Variants in MRPL43 observed in about 807,000 individuals in gnomAD.
MRPL43 encodes the protein mitochondrial ribosomal protein L43.
In MRPL43, 9 loss-of-function variants were observed where a neutral mutation model predicts 12.7. The observed-to-expected ratio is 0.71, with a 90% CI of 0.43 to 1.24. The LOEUF (loss-of-function observed/expected upper bound fraction) is 1.24. MRPL43 is among the 50% of genes most tolerant of loss of function. The probability of loss-of-function intolerance (pLI) is 0.00; values close to 1 mark genes in which losing one functional copy is unlikely to be tolerated. For synonymous variants in MRPL43, 116 were observed against 96.4 expected (o/e 1.20, Z -1.19); for missense variants, 211 against 229.2 (o/e 0.92, Z 0.51).
chr10:100,979,228 A>G (rs767392247), downstream of MRPL43: 1 of 1,614,198 alleles, frequency 6.2e-7, no homozygotes, highest in Non-Finnish European at 8.5e-7. Context: ...TGAAACCTCA[A>G]GCCGTACACA....
Position 100,986,371 on chromosome 10 carries a change from T to A in MRPL43, c.*363A>T. The A allele has an allele frequency of 6.9e-7, 1 of 1,457,878 alleles. No individual in the cohort carries two copies. The highest frequency in any genetic ancestry group is 1.5e-5 in the South Asian group (1 of 67,494). The allele number at this position is 1,457,878 out of a possible 1,614,324, so 90.3% of individuals were successfully genotyped here. ...CACAGCAGAGCTCTCCGTAGCTCAGTGGTTGTTCCAATAAGACATCAGGGA... is the reference window on the plus strand; with the variant it reads ...CACAGCAGAGCTCTCCGTAGCTCAGAGGTTGTTCCAATAAGACATCAGGGA... On this transcript the variant is annotated 3_prime_UTR_variant, in exon 3 of 3. Transcript: ENST00000318364.
chr10:100,984,634 C>T (rs1323427412), downstream of MRPL43: 7 of 1,536,154 alleles, frequency 4.6e-6, no homozygotes, highest in Non-Finnish European at 5.2e-6. Context: ...GAATGTTTAT[C>T]GGCTGGGCTG....
chr10:100,984,340 C>A, downstream of MRPL43: 1 of 1,441,922 alleles, frequency 6.9e-7, no homozygotes, highest in Non-Finnish European at 9.1e-7. Flanking sequence ...AGCCCAGGCC[C>A]ATCGGTGCTC....
In MRPL43 at chr10:100,986,435, T is replaced by C; in HGVS notation, c.*299A>G. ...AGCCTTCAGACCTCTCACTGTGTTT[T>C]GAGATCATTATTATCAATTTGGATT... On this transcript the variant is annotated 3_prime_UTR_variant, in exon 3 of 3. Coordinates refer to ENST00000318364, the MANE Select transcript of MRPL43 (RefSeq NM_032112.3). 1 of 1,516,340 alleles carries C rather than the reference T, an allele frequency of 6.6e-7. No homozygotes were observed. The highest frequency in any genetic ancestry group is 8.8e-7 in the Non-Finnish European group (1 of 1,133,652). 93.9% of individuals were successfully genotyped at this position (1,516,340 alleles called of 1,614,324 possible).
At chr10:100,981,485 A>C, downstream of MRPL43, 1 of 1,614,206 alleles carries the variant, frequency 6.2e-7, no homozygotes, top group Non-Finnish European at 8.5e-7. Flanking sequence ...AGTGGATGAC[A>C]AGGGTTCAGG....
At chr10:100,982,381 T>C (rs1190030090), downstream of MRPL43, among the ~76,000 whole-genome samples, 2 of 152,216 alleles carry the variant, frequency 1.3e-5, no homozygotes, top group East Asian at 3.8e-4. Context: ...GTTTTTAAAA[T>C]ACCTCTCATG....
downstream of MRPL43, among the ~76,000 whole-genome samples, chr10:100,982,145 C>G (rs189914956): frequency 4.2e-4 from 63 of 151,454 alleles, no homozygotes; most frequent in African/African-American, 1.5e-3. Flanking sequence ...GGTCACTATA[C>G]TATGCTATCT....
At chr10:100,983,641 T>C (rs990022918), downstream of MRPL43, 2 of 1,613,890 alleles carry the variant, frequency 1.2e-6, no homozygotes, top group South Asian at 1.1e-5. Context: ...GTGAGACTGC[T>C]CTATGTGCTA....
Position 100,987,100 on chromosome 10 carries a change from C to T in MRPL43, c.228G>A (p.Val76=), listed in dbSNP as rs1291182327. ...NSRPCCVPRV[V]AEYLNGAVRE... ...CCCGGCCCCACTCACGGTATTCGGCCACTACTCTGGGCACGCAGCACGGAC... is the reference window on the plus strand; with the variant it reads ...CCCGGCCCCACTCACGGTATTCGGCTACTACTCTGGGCACGCAGCACGGAC... Residue 76 remains valine (V), a synonymous_variant, in exon 2 of 3, where the codon GTG becomes GTA. Transcript: ENST00000318364. The T allele has an allele frequency of 9.3e-6, 15 of 1,613,512 alleles. No homozygotes were observed. In the South Asian group the frequency reaches 1.5e-4, roughly 17 times the overall value.
chr10:100,984,411 C>G, downstream of MRPL43: 7 of 1,467,482 alleles, frequency 4.8e-6, no homozygotes, highest in East Asian at 5.0e-5. Context: ...AGTTCCTATC[C>G]CCTAACCTAA....
chr10:100,980,817 C>T (rs368524012), downstream of MRPL43: 86 of 1,564,634 alleles, frequency 5.5e-5, no homozygotes, highest in Non-Finnish European at 7.2e-5. Context: ...CTATCTGGCT[C>T]CCAGCACAGC....
chr10:100,979,751 G>T, downstream of MRPL43: 1 of 1,423,884 alleles, frequency 7.0e-7, no homozygotes, highest in Non-Finnish European at 9.7e-7. Flanking sequence ...TATAGCTGGG[G>T]TTGGCCAGGG....
In MRPL43 at chr10:100,986,735, C is replaced by T; in HGVS notation, c.479G>A (p.Ter160=). ...DPAPAQVQAQ[*] is the part of the protein sequence containing the mutation. ...GGCTGCAGTTGGTGGGGCAACTCTTCACTGTGCTTGCACCTGGGCTGGGGC... is the reference window on the plus strand; with the variant it reads ...GGCTGCAGTTGGTGGGGCAACTCTTTACTGTGCTTGCACCTGGGCTGGGGC... The change falls in exon 3 of 3, where the codon TGA becomes TAA. Residue 160 remains the stop codon, a stop_retained_variant. Coordinates refer to ENST00000318364, the MANE Select transcript of MRPL43 (RefSeq NM_032112.3). 1 of 1,613,954 alleles carries T rather than the reference C, an allele frequency of 6.2e-7. No homozygotes were observed.
chr10:100,979,899 G>A (rs190271357), downstream of MRPL43: 1 of 1,614,108 alleles, frequency 6.2e-7, no homozygotes, highest in Non-Finnish European at 8.5e-7. Flanking sequence ...CAGAGATCCA[G>A]GCTGTCTTTG....
At chr10:100,981,595 A>C, downstream of MRPL43, 1 of 1,602,668 alleles carries the variant, frequency 6.2e-7, no homozygotes, top group Non-Finnish European at 8.5e-7. Flanking sequence ...TTAAGTATTT[A>C]CTGTGTGCCA....
intron 1 of MRPL43, 27 bp downstream of exon 1, chr10:100,987,286 C>T (rs1851566980): frequency 4.3e-6 from 7 of 1,611,834 alleles, no homozygotes; most frequent in Non-Finnish European, 5.1e-6. Flanking sequence ...CACCCCGACC[C>T]GCGCCTGCGC....
Position 100,986,972 on chromosome 10 carries a change from T to G in MRPL43, c.242A>C (p.Asn81Thr). ...CVPRVVAEYL[N>T]GAVREESIHC... Reference sequence around the variant, plus strand: ...GATGCTCTCCTCGCGCACAGCCCCGTTAACTGGCAGAAGAGGGGTGAGAGT... The same window carrying G: ...GATGCTCTCCTCGCGCACAGCCCCGGTAACTGGCAGAAGAGGGGTGAGAGT... Residue 81 changes from asparagine to threonine, a missense_variant, in exon 3 of 3, where the codon AAC (asparagine) becomes ACC (threonine). By Grantham distance (65) the Asn-to-Thr change is moderately conservative (BLOSUM62 0). Transcript: ENST00000318364. 6.2e-7 allele frequency: 1 copy of G among 1,606,122 alleles called. No homozygotes were observed. The highest frequency in any genetic ancestry group is 8.5e-7 in the Non-Finnish European group (1 of 1,179,880).
At chr10:100,979,914 A>G (rs1433937750), downstream of MRPL43, 1 of 1,613,996 alleles carries the variant, frequency 6.2e-7, no homozygotes, top group East Asian at 2.2e-5. Context: ...TCTTTGCAGG[A>G]CCCTATATGG....
chr10:100,984,199 C>T (rs1257290025), downstream of MRPL43: 18 of 1,527,614 alleles, frequency 1.2e-5, no homozygotes, highest in Non-Finnish European at 1.6e-5. Flanking sequence ...CACTGCCTCC[C>T]TAACACAGCC....
Sources: allele counts gnomAD v4.1 joint callset (sites outside exome capture counted in the v4.1 genomes callset), GRCh38; gene constraint gnomAD v4.1.1; transcripts MANE v1.5; gene names NCBI Gene and HGNC (gene_info 2026-07-23, HGNC 2026-07-21).